The following NVL variants were observed in gnomAD, a reference collection of about 807,000 sequenced individuals.
NVL encodes the protein nuclear VCP like, also known as nuclear valosin-containing protein-like.
A neutral mutation model predicts 110.2 loss-of-function variants in NVL; 84 were observed. The observed-to-expected ratio is 0.76, with a 90% confidence interval of 0.64 to 0.91. The LOEUF (loss-of-function observed/expected upper bound fraction) is 0.91, where lower values mean the gene tolerates loss of function less well. NVL is among the 40% of genes least tolerant of loss of function. The pLI, the probability that NVL is intolerant of heterozygous loss-of-function variation, is 0.00. For synonymous variants in NVL, 354 were observed against 361.1 expected (o/e 0.98, Z 0.22); for missense variants, 882 against 1,035.9 (o/e 0.85, Z 2.04).
intron 10 of NVL, among the ~76,000 whole-genome samples, chr1:224,299,763 C>T (rs1405262603): frequency 6.6e-6 from 1 of 152,146 alleles, no homozygotes; most frequent in African/African-American, 2.4e-5. Context: ...CCTAGTGTTG[C>T]CCACAGCTTT....
chr1:224,233,229 C>A lies in NVL; in HGVS notation c.2427G>T (p.Met809Ile). The change falls in exon 21 of 23, where the codon ATG becomes ATT. Residue 809 changes from methionine (M) to isoleucine (I), a missense_variant. This residue lies in a region of NVL where 126 missense variants were observed against 140.7 expected (regional missense o/e 0.90). Transcript: ENST00000281701. ...TTTCATTTCCACTCTTCTGTCTTGCCATTTCCTGTCTCAGGGCACAGATAG... is the reference window on the plus strand; with the variant it reads ...TTTCATTTCCACTCTTCTGTCTTGCAATTTCCTGTCTCAGGGCACAGATAG... ...EASICALRQE[M>I]ARQKSGNEKG... 6.2e-7 allele frequency: 1 copy of A among 1,612,826 alleles called. No homozygotes were observed. The highest frequency in any genetic ancestry group is 8.5e-7 in the Non-Finnish European group (1 of 1,179,598).
At chr1:224,269,508 T>C (rs779964376) in intron 17 of NVL, among the ~76,000 whole-genome samples, 7 of 152,174 alleles carry the variant, frequency 4.6e-5, no homozygotes, top group Non-Finnish European at 7.3e-5. Context: ...TTTTCTCTTT[T>C]CCTTGAAGCA....
At chr1:224,228,924 C>CAAA (rs368485856) in intron 22 of NVL, among the ~76,000 whole-genome samples, 4,986 of 80,440 alleles carry the variant, frequency 0.062, 507 homozygotes, top group African/African-American at 0.13. Context: ...GACTCCGTCT[C>CAAA]AAAAAAAAAA....
At chr1:224,321,688 G>A (rs1558364444) in intron 2 of NVL, among the ~76,000 whole-genome samples, 2 of 151,290 alleles carry the variant, frequency 1.3e-5, no homozygotes, top group South Asian at 2.1e-4. Context: ...CCCAGGAGGC[G>A]GAGGTTGCAG....
chr1:224,306,320 G>A (rs2001712), intron 6 of NVL, among the ~76,000 whole-genome samples: 8,685 of 152,078 alleles, frequency 0.057, 286 homozygotes, highest in East Asian at 0.096. Context: ...AGGATGGAGT[G>A]CAGTGGCACG....
chr1:224,295,909 G>A (rs564286262), intron 11 of NVL, among the ~76,000 whole-genome samples: 61 of 145,208 alleles, frequency 4.2e-4, no homozygotes, highest in Non-Finnish European at 7.7e-4. Flanking sequence ...AGGTTGCAGC[G>A]AGTTGAGATC....
At chr1:224,262,906 T>C (rs1412327438) in intron 18 of NVL, among the ~76,000 whole-genome samples, 1 of 152,160 alleles carries the variant, frequency 6.6e-6, no homozygotes, top group Non-Finnish European at 1.5e-5. Context: ...GATCAAACTA[T>C]ATTACAATAC....
chr1:224,264,771 C>T (rs1023205246), intron 18 of NVL, among the ~76,000 whole-genome samples: 126 of 152,106 alleles, frequency 8.3e-4, no homozygotes, highest in African/African-American at 2.7e-3. Flanking sequence ...GACAGAGTCT[C>T]GCTTTGTCAC....
At chr1:224,246,550 C>T (rs1392764566) in intron 19 of NVL, among the ~76,000 whole-genome samples, 4 of 152,138 alleles carry the variant, frequency 2.6e-5, no homozygotes, top group African/African-American at 9.7e-5. Flanking sequence ...GAAATAAATA[C>T]CAATCCAACT....
intron 18 of NVL, among the ~76,000 whole-genome samples, chr1:224,264,390 G>A (rs915891430): frequency 6.6e-6 from 1 of 151,682 alleles, no homozygotes; most frequent in African/African-American, 2.4e-5. Context: ...CGGGATTGCA[G>A]GCGCCCACCA....
chr1:224,324,719 C>G (rs550014210), intron 2 of NVL, among the ~76,000 whole-genome samples: 6 of 152,288 alleles, frequency 3.9e-5, no homozygotes, highest in African/African-American at 1.4e-4. Flanking sequence ...GTCCTTGCAT[C>G]TGGCCTGATT....
chr1:224,317,666 A>T (rs763642372), intron 4 of NVL, 28 bp downstream of exon 4: 33 of 1,336,752 alleles, frequency 2.5e-5, no homozygotes, highest in Non-Finnish European at 3.2e-5. Flanking sequence ...TTCATGGTTT[A>T]AAAAAACCCT....
At chr1:224,250,147 C>T in intron 19 of NVL, 65 bp downstream of exon 19, 1 of 1,550,030 alleles carries the variant, frequency 6.5e-7, no homozygotes, top group Middle Eastern at 1.7e-4. Flanking sequence ...ATTACTACCT[C>T]TTATAACTGT....
intron 12 of NVL, among the ~76,000 whole-genome samples, chr1:224,291,308 C>T (rs192370353): frequency 1.3e-5 from 2 of 152,254 alleles, no homozygotes; most frequent in African/African-American, 2.4e-5. Flanking sequence ...CAGGTTCAAG[C>T]GATTCTCCTG....
chr1:224,326,275 TG>T, intron 2 of NVL, 115 bp downstream of exon 2: 1 of 664,082 alleles, frequency 1.5e-6, no homozygotes, highest in South Asian at 2.0e-5. Context: ...GATTATGGAT[TG>T]GTGAACTAAT....
Position 224,258,706 on chromosome 1 carries a change from T to C in NVL, c.2183-8388A>G, listed in dbSNP as rs146924200. Among the ~76,000 whole-genome samples the C allele has an allele frequency of 3.3e-5, 5 of 152,224 alleles. No homozygotes were observed. In the East Asian group the frequency reaches 7.7e-4, roughly 24 times the overall value. On this transcript the variant is annotated intron_variant, in intron 18 of 22. Coordinates refer to ENST00000281701, the MANE Select transcript of NVL (RefSeq NM_002533.4). ...ATCCATACAACGGGATATTATTTCA[T>C]AATAAAAAGGAATGGAGTATTGATA...
At chr1:224,262,588 G>C (rs1392581940) in intron 18 of NVL, among the ~76,000 whole-genome samples, 1 of 152,166 alleles carries the variant, frequency 6.6e-6, no homozygotes, top group African/African-American at 2.4e-5. Context: ...CAGCTGTTTA[G>C]ACCACAGGCC....
chr1:224,305,262 C>G, intron 6 of NVL, 96 bp from the exon 7 acceptor site: 1 of 1,237,002 alleles, frequency 8.1e-7, no homozygotes, highest in Non-Finnish European at 1.1e-6. Flanking sequence ...AAAATTCATT[C>G]CTGCCCTAGC....
chr1:224,285,152 T>G (rs1342076065), intron 15 of NVL, among the ~76,000 whole-genome samples: 1 of 152,148 alleles, frequency 6.6e-6, no homozygotes, highest in Non-Finnish European at 1.5e-5. Flanking sequence ...AGCTTATATT[T>G]GTGGCTGGGG....
Sources: gnomAD v4.1 joint callset for allele counts (sites outside exome capture counted in the v4.1 genomes callset) on GRCh38, gnomAD v4.1.1 for gene constraint, gnomAD v4.1.1 regional missense constraint, MANE v1.5 for transcripts, NCBI Gene and HGNC (gene_info 2026-07-23, HGNC 2026-07-21) for gene names.